Variants in FOXO3 observed in about 807,000 individuals in gnomAD.
The protein encoded by FOXO3 is forkhead box O3, also known as forkhead box protein O3.
FOXO3 carries 4 observed loss-of-function variants against 41.9 expected under a neutral mutation model. The observed-to-expected ratio is 0.10, with a 90% confidence interval of 0.05 to 0.22. The LOEUF (loss-of-function observed/expected upper bound fraction) is 0.22, where lower values mean the gene tolerates loss of function less well. Among genes scored for constraint, FOXO3 ranks in the 10% least tolerant of loss-of-function variants. The pLI, the probability that FOXO3 is intolerant of heterozygous loss-of-function variation, is 1.00. For synonymous variants in FOXO3, 318 were observed against 389.3 expected, an observed-to-expected ratio of 0.82 and a Z score of 2.16; for missense variants, 534 against 906.8, an observed-to-expected ratio of 0.59 and a Z score of 5.28.
intron 1 of FOXO3, among the ~76,000 whole-genome samples, chr6:108,648,658 TAAGGAAATAATCAGTTCACAAGCTA>T (rs1409644780): frequency 6.6e-6 from 1 of 152,012 alleles, no homozygotes. Context: ...CTTTCATGGT[TAAGGAAATAATCAGTTCACAAGCTA>T]AAGCAGTGGA....
At position 108,682,504 on chromosome 6, in the gene FOXO3, C is replaced by T. The variant is rs1335944290; in HGVS notation, c.*2712C>T. 2.0e-5 allele frequency: 3 copies of T among 152,320 alleles called. No individual in the cohort carries two copies. The highest frequency in any genetic ancestry group is 4.4e-5 in the Non-Finnish European group (3 of 68,138). The allele number at this position is 152,320 out of a possible 1,614,324, so 9.4% of individuals were successfully genotyped here. A position where few individuals can be genotyped will look rare whatever the true frequency, so the allele number is the denominator to read the frequency against. On this transcript the variant is annotated 3_prime_UTR_variant, in exon 3 of 3. Transcript: ENST00000406360. ...ATCAGTACTGCGAGACCCACCAGCC[C>T]CTGGAGAGGGTCAGCCGAGAATCTG...
intron 1 of FOXO3, among the ~76,000 whole-genome samples, chr6:108,591,370 A>G (rs937033362): frequency 2.0e-5 from 3 of 152,210 alleles, no homozygotes; most frequent in Admixed American, 6.5e-5. Flanking sequence ...AGGTTACACA[A>G]AATTTAAATG....
intron 1 of FOXO3, among the ~76,000 whole-genome samples, chr6:108,596,720 G>A (rs1776897002): frequency 6.6e-6 from 1 of 152,104 alleles, no homozygotes; most frequent in African/African-American, 2.4e-5. Context: ...AAAGTGATCT[G>A]TGGTTTAAAA....
intron 1 of FOXO3, among the ~76,000 whole-genome samples, chr6:108,573,919 C>T (rs933128186): frequency 1.3e-4 from 20 of 151,332 alleles, no homozygotes; most frequent in East Asian, 4.0e-4. Context: ...TTTGGGAGGC[C>T]GAGGCAGGTG....
intron 1 of FOXO3, among the ~76,000 whole-genome samples, chr6:108,603,650 A>C (rs1777114638): frequency 6.6e-6 from 1 of 152,184 alleles, no homozygotes; most frequent in African/African-American, 2.4e-5. Context: ...TGATTTCCAG[A>C]GGAACTTGAT....
At chr6:108,637,664 A>G (rs1353161519) in intron 1 of FOXO3, among the ~76,000 whole-genome samples, 9 of 151,164 alleles carry the variant, frequency 6.0e-5, no homozygotes. Flanking sequence ...TTTCCCCCGG[A>G]TGTTTTCTCC....
intron 1 of FOXO3, among the ~76,000 whole-genome samples, chr6:108,573,015 G>A (rs181065344): frequency 1.3e-5 from 2 of 152,100 alleles, no homozygotes; most frequent in African/African-American, 2.4e-5. Context: ...TGGCCGGCGC[G>A]GTGGCTCACG....
chr6:108,658,487 A>G (rs1028939128), intron 1 of FOXO3, among the ~76,000 whole-genome samples: 6 of 152,186 alleles, frequency 3.9e-5, no homozygotes, highest in African/African-American at 1.2e-4. Context: ...CATCTATTTA[A>G]TAAGTTGGGC....
rs1203372021 is a variant in FOXO3, at chr6:108,682,742, G to C, written c.*2950G>C. Reference sequence around the variant, plus strand: ...CACAGGTCCCTAACAATAATTTTCTGATCTGGAGCATATCAGCAGAATGCT... The same window carrying C: ...CACAGGTCCCTAACAATAATTTTCTCATCTGGAGCATATCAGCAGAATGCT... On this transcript the variant is annotated 3_prime_UTR_variant, in exon 3 of 3. Coordinates refer to ENST00000406360, the MANE Select transcript of FOXO3 (RefSeq NM_001455.4). 6.6e-6 allele frequency: 1 copy of C among 152,262 alleles called. No homozygotes were observed. Among genetic ancestry groups the C allele is most frequent in the African/African-American group, 2.4e-5 (1 of 41,452 alleles). The allele number at this position is 152,262 out of a possible 1,614,324, so 9.4% of individuals were successfully genotyped here. A position where few individuals can be genotyped will look rare whatever the true frequency, so the allele number is the denominator to read the frequency against.
At chr6:108,613,418 A>G (rs928801301) in intron 1 of FOXO3, among the ~76,000 whole-genome samples, 4 of 152,320 alleles carry the variant, frequency 2.6e-5, no homozygotes, top group Admixed American at 1.3e-4. Context: ...CATAGATACA[A>G]TGCTGTTGGC....
chr6:108,629,118 G>T (rs1777890503), intron 1 of FOXO3, among the ~76,000 whole-genome samples: 1 of 152,124 alleles, frequency 6.6e-6, no homozygotes, highest in African/African-American at 2.4e-5. Context: ...TAAGTGCTTA[G>T]CATAGTTCCT....
chr6:108,565,453 C>T (rs1356139541), intron 1 of FOXO3, among the ~76,000 whole-genome samples: 1 of 152,204 alleles, frequency 6.6e-6, no homozygotes, highest in Non-Finnish European at 1.5e-5. Flanking sequence ...CTCAGTTCCT[C>T]TTGTCTTGGG....
At chr6:108,590,552 G>A (rs1211374353) in intron 1 of FOXO3, among the ~76,000 whole-genome samples, 1 of 152,100 alleles carries the variant, frequency 6.6e-6, no homozygotes, top group Admixed American at 6.5e-5. Context: ...AACCTGGGTC[G>A]TATCCCTAAG....
chr6:108,566,022 G>A (rs1004902041), intron 1 of FOXO3, among the ~76,000 whole-genome samples: 11 of 152,100 alleles, frequency 7.2e-5, no homozygotes, highest in African/African-American at 2.7e-4. Context: ...ATGTCGTTTT[G>A]TAATTTCCTT....
upstream of FOXO3, among the ~76,000 whole-genome samples, chr6:108,560,543 C>A (rs1478074021): frequency 6.6e-6 from 1 of 152,174 alleles, no homozygotes; most frequent in Non-Finnish European, 1.5e-5. Context: ...GCGCAGTCCC[C>A]GGGCTCGGGC....
intron 1 of FOXO3, among the ~76,000 whole-genome samples, chr6:108,641,716 C>T (rs1778263477): frequency 6.6e-6 from 1 of 152,032 alleles, no homozygotes; most frequent in African/African-American, 2.4e-5. Flanking sequence ...AATACCTGAA[C>T]ACCCCTTAAA....
At chr6:108,671,558 C>T (rs1779217764) in intron 2 of FOXO3, among the ~76,000 whole-genome samples, 1 of 152,208 alleles carries the variant, frequency 6.6e-6, no homozygotes, top group African/African-American at 2.4e-5. Flanking sequence ...TAAAACTTGC[C>T]TCACAGAGCT....
intron 1 of FOXO3, among the ~76,000 whole-genome samples, chr6:108,625,291 A>C (rs1310017397): frequency 6.6e-6 from 1 of 152,178 alleles, no homozygotes; most frequent in Admixed American, 6.5e-5. Flanking sequence ...TAACATTTCC[A>C]TGCTTTTTTG....
At chr6:108,599,096 T>C (rs1466997223) in intron 1 of FOXO3, among the ~76,000 whole-genome samples, 1 of 152,194 alleles carries the variant, frequency 6.6e-6, no homozygotes, top group Non-Finnish European at 1.5e-5. Context: ...AGAGTAACTT[T>C]GTGAGAGCAA....
Sources: gnomAD v4.1 joint callset for allele counts (sites outside exome capture counted in the v4.1 genomes callset) on GRCh38, gnomAD v4.1.1 for gene constraint, MANE v1.5 for transcripts, NCBI Gene and HGNC (gene_info 2026-07-23, HGNC 2026-07-21) for gene names.